The following ANKRD6 variants were observed in gnomAD, a reference collection of about 807,000 sequenced individuals.
ANKRD6 encodes the protein ankyrin repeat domain 6.
Under a neutral mutation model 82.3 loss-of-function variants are expected in ANKRD6, and 56 were observed. The ratio of observed to expected loss-of-function variants is 0.68; its 90% CI spans 0.55 to 0.85. The LOEUF (loss-of-function observed/expected upper bound fraction) is 0.85, where lower values mean the gene tolerates loss of function less well. ANKRD6 is among the 40% of genes least tolerant of loss of function. The pLI is 0.00. For synonymous variants in ANKRD6, 347 were observed against 352.1 expected (o/e 0.99, Z 0.16); for missense variants, 852 against 907.6 (o/e 0.94, Z 0.79).
intron 1 of ANKRD6, among the ~76,000 whole-genome samples, chr6:89,447,854 A>ATTTTTTTTTTTTTTTTTTTT (rs530068070): frequency 2.5e-5 from 3 of 119,008 alleles, no homozygotes; most frequent in Admixed American, 9.3e-5. Context: ...CGCCCAGCTA[A>ATTTTTTTTTTTTTTTTTTTT]TTTTTTTTTT....
intron 3 of ANKRD6, 26 bp from the exon 4 acceptor site, chr6:89,603,003 G>T (rs1368826759): frequency 1.9e-6 from 3 of 1,572,112 alleles, no homozygotes; most frequent in Non-Finnish European, 2.6e-6. Context: ...GCTGACTGCT[G>T]TTCCTGCCTT....
intron 1 of ANKRD6, among the ~76,000 whole-genome samples, chr6:89,462,883 T>C (rs951399352): frequency 1.8e-4 from 27 of 151,372 alleles, no homozygotes; most frequent in Admixed American, 5.9e-4. Context: ...TTTTTTTTTT[T>C]CTAAGAGACA....
chr6:89,554,984 A>C (rs541975799), intron 1 of ANKRD6, among the ~76,000 whole-genome samples: 2 of 151,236 alleles, frequency 1.3e-5, no homozygotes, highest in South Asian at 4.2e-4. Context: ...CCCATTCTGC[A>C]TGGCACATTC....
In ANKRD6 at chr6:89,514,679, A is replaced by G. The variant is rs554896121; in HGVS notation, c.-143-52155A>G. 2.6e-5 allele frequency among the ~76,000 whole-genome samples: 4 copies of G among 152,232 alleles called. No homozygotes were observed. In the East Asian group the frequency reaches 7.7e-4, roughly 29 times the overall value. On this transcript the variant is annotated intron_variant, in intron 1 of 15. Coordinates refer to ENST00000339746, the MANE Select transcript of ANKRD6 (RefSeq NM_001242809.2). ...AGTAATGCTGCAGTGAACATTCCCC[A>G]TATGTCCTTTGGTGTACATGTTTGT...
chr6:89,505,579 G>T (rs368384373), intron 1 of ANKRD6, among the ~76,000 whole-genome samples: 1 of 152,200 alleles, frequency 6.6e-6, no homozygotes, highest in Non-Finnish European at 1.5e-5. Flanking sequence ...ACGGAGAAGG[G>T]TCTGCCACTA....
rs778511189 is a variant in ANKRD6, at chr6:89,606,066, G to A, written c.378G>A (p.Leu126=). 6.3e-7 allele frequency: 1 copy of A among 1,592,536 alleles called. No individual in the cohort carries two copies. Among genetic ancestry groups the A allele is most frequent in the Non-Finnish European group, 8.6e-7 (1 of 1,169,220 alleles). The change falls in exon 5 of 16, where the codon CTG becomes CTA. Residue 126 remains leucine, a synonymous_variant. Transcript: ENST00000339746. ...ATGGTTTCAGCCAGTCAGCCAAGCT[G>A]CTCATTAAAGCAGGAGCCAACGTGC... ...SWHGFSQSAK[L]LIKAGANVLA...
intron 5 of ANKRD6, among the ~76,000 whole-genome samples, chr6:89,611,131 G>A (rs1258741509): frequency 6.6e-6 from 1 of 151,946 alleles, no homozygotes; most frequent in Admixed American, 6.6e-5. Flanking sequence ...AAGGTGAAGA[G>A]AAGGGGGATA....
chr6:89,632,095 T>TG lies in ANKRD6; in HGVS notation c.*1092dup, dbSNP rs1283283806. The TG allele has an allele frequency of 2.6e-5, 4 of 152,238 alleles. No homozygotes were observed. The highest frequency in any genetic ancestry group is 5.9e-5 in the Non-Finnish European group (4 of 68,038). 9.4% of individuals were successfully genotyped at this position (152,238 alleles called of 1,614,324 possible). On this transcript the variant is annotated 3_prime_UTR_variant, in exon 16 of 16. Coordinates refer to ENST00000339746, the MANE Select transcript of ANKRD6 (RefSeq NM_001242809.2). ...ATGTTGAAACTTTGGACAAGCTTCTTGTCCTTTGGAATATGGGATTTATAT... is the reference window on the plus strand; with the variant it reads ...ATGTTGAAACTTTGGACAAGCTTCTTGGTCCTTTGGAATATGGGATTTATAT...
intron 1 of ANKRD6, among the ~76,000 whole-genome samples, chr6:89,484,369 C>G (rs560354511): frequency 1.3e-5 from 2 of 152,018 alleles, no homozygotes; most frequent in Non-Finnish European, 2.9e-5. Context: ...CCTTTACTAA[C>G]TGGCCAGCGA....
intron 1 of ANKRD6, among the ~76,000 whole-genome samples, chr6:89,523,217 A>G (rs1782081612): frequency 6.6e-6 from 1 of 152,218 alleles, no homozygotes; most frequent in African/African-American, 2.4e-5. Flanking sequence ...GTTAGACAAG[A>G]TTAGCATCTT....
At chr6:89,590,297 T>A (rs911786760) in intron 2 of ANKRD6, among the ~76,000 whole-genome samples, 15 of 152,168 alleles carry the variant, frequency 9.9e-5, no homozygotes. Flanking sequence ...TAAGTGCCTG[T>A]AGCTGTCCAG....
At chr6:89,514,906 G>A (rs943490159) in intron 1 of ANKRD6, among the ~76,000 whole-genome samples, 15 of 152,170 alleles carry the variant, frequency 9.9e-5, no homozygotes, top group African/African-American at 3.6e-4. Flanking sequence ...TTGTCTGGGC[G>A]TAGTAGTTTT....
chr6:89,483,642 T>G (rs975222558), intron 1 of ANKRD6: 1 of 152,146 alleles, frequency 6.6e-6, no homozygotes, highest in African/African-American at 2.4e-5. Context: ...GGAGTGGGAG[T>G]GTTCTCTTTG....
At chr6:89,537,154 A>C (rs1303989966) in intron 1 of ANKRD6, among the ~76,000 whole-genome samples, 2 of 152,176 alleles carry the variant, frequency 1.3e-5, no homozygotes, top group Admixed American at 1.3e-4. Flanking sequence ...AATCAAGATA[A>C]GATGAGGCCT....
chr6:89,559,763 T>C (rs1288914090), intron 1 of ANKRD6, among the ~76,000 whole-genome samples: 1 of 152,124 alleles, frequency 6.6e-6, no homozygotes, highest in Non-Finnish European at 1.5e-5. Context: ...GATAATTTTT[T>C]TGGCCCCAGA....
chr6:89,435,145 C>T (rs1439761629), intron 1 of ANKRD6, among the ~76,000 whole-genome samples: 2 of 152,234 alleles, frequency 1.3e-5, no homozygotes, highest in Non-Finnish European at 2.9e-5. Context: ...ACAAGGCACA[C>T]TTCCAACTCC....
intron 2 of ANKRD6, among the ~76,000 whole-genome samples, chr6:89,580,788 G>A (rs1461297076): frequency 6.6e-6 from 1 of 152,150 alleles, no homozygotes; most frequent in African/African-American, 2.4e-5. Flanking sequence ...GAATGGCGTG[G>A]CCTGAACTCG....
At chr6:89,583,660 A>G (rs1394749280) in intron 2 of ANKRD6, among the ~76,000 whole-genome samples, 3 of 152,248 alleles carry the variant, frequency 2.0e-5, no homozygotes, top group South Asian at 2.1e-4. Flanking sequence ...AGCTAACTCA[A>G]GCATCTTAGG....
At chr6:89,565,828 A>G (rs1788393414) in intron 1 of ANKRD6, among the ~76,000 whole-genome samples, 2 of 152,216 alleles carry the variant, frequency 1.3e-5, no homozygotes, top group South Asian at 4.1e-4. Context: ...TATTTTTAAT[A>G]AGTATCTTTT....
Sources: allele counts gnomAD v4.1 joint callset (sites outside exome capture counted in the v4.1 genomes callset), GRCh38; gene constraint gnomAD v4.1.1; transcripts MANE v1.5; gene names NCBI Gene and HGNC (gene_info 2026-07-23, HGNC 2026-07-21).